Variants in MBTPS1 observed in about 807,000 individuals in gnomAD.
MBTPS1 encodes the protein membrane-bound transcription factor site-1 protease.
MBTPS1 carries 94 observed loss-of-function variants against 127.8 expected under a neutral mutation model. The observed-to-expected ratio is 0.74, with a 90% CI of 0.62 to 0.87. MBTPS1 has a LOEUF of 0.87. Among genes scored for constraint, MBTPS1 ranks in the 40% least tolerant of loss-of-function variants. The pLI, the probability that MBTPS1 is intolerant of heterozygous loss-of-function variation, is 0.00. For missense variants in MBTPS1, 1,636 were observed against 1,353.2 expected (o/e 1.21, Z -3.28); for synonymous variants, 632 against 509.4 (o/e 1.24, Z -3.24).
chr16:84,065,902 G>A (rs1167083180), intron 17 of MBTPS1, 135 bp from the exon 18 acceptor site: 4 of 528,912 alleles, frequency 7.6e-6, no homozygotes, highest in Non-Finnish European at 1.3e-5. Context: ...TGAGGGAGGA[G>A]CTGCTATTGC....
intron 1 of MBTPS1, among the ~76,000 whole-genome samples, chr16:84,112,857 C>G (rs921886697): frequency 3.3e-5 from 5 of 150,940 alleles, no homozygotes; most frequent in African/African-American, 1.2e-4. Flanking sequence ...CACCTGTAAT[C>G]CCAGCTACTC....
chr16:84,093,444 A>T, intron 5 of MBTPS1, 147 bp from the exon 6 acceptor site: 1 of 661,596 alleles, frequency 1.5e-6, no homozygotes. Context: ...ATCCCCTTAG[A>T]CGTCACTGGC....
chr16:84,080,882 G>A (rs760897954), intron 11 of MBTPS1, among the ~76,000 whole-genome samples: 26 of 152,310 alleles, frequency 1.7e-4, no homozygotes, highest in South Asian at 4.1e-4. Flanking sequence ...CTTGACGTCT[G>A]CTTCTTGGAG....
chr16:84,090,098 T>C (rs187224761), intron 8 of MBTPS1, among the ~76,000 whole-genome samples: 5 of 152,352 alleles, frequency 3.3e-5, no homozygotes, highest in Admixed American at 2.6e-4. Flanking sequence ...TTTTCTGATA[T>C]GCAAACATGA....
In MBTPS1 at chr16:84,093,259, T is replaced by G. The variant is rs773020028; in HGVS notation, c.775A>C (p.Ser259Arg). Reference sequence around the variant, plus strand: ...GCAAATCCTTGGCACTCCCTCATGCTGGCTATCACACCTGCCACGAATGTG... The same window carrying G: ...GCAAATCCTTGGCACTCCCTCATGCGGGCTATCACACCTGCCACGAATGTG... ...HGTFVAGVIA[S>R]MRECQGFAPD... Residue 259 changes from serine to arginine, a missense_variant, in exon 6 of 23, where the codon AGC (serine) becomes CGC (arginine). By Grantham distance (110) the Ser-to-Arg change is moderately radical. Coordinates refer to ENST00000343411, the MANE Select transcript of MBTPS1 (RefSeq NM_003791.4). 6.2e-7 allele frequency: 1 copy of G among 1,613,974 alleles called. No individual in the cohort carries two copies. Among genetic ancestry groups the G allele is most frequent in the East Asian group, 2.2e-5 (1 of 44,900 alleles).
At chr16:84,070,562 C>G in intron 13 of MBTPS1, 26 bp downstream of exon 13, 1 of 1,606,822 alleles carries the variant, frequency 6.2e-7, no homozygotes. Context: ...GCTAAGAAAA[C>G]AAGCCACTTT....
At position 84,099,307 on chromosome 16, in the gene MBTPS1, T is replaced by G. The variant is rs1237507444; in HGVS notation, c.167A>C (p.Tyr56Ser). 1 of 1,613,476 alleles carries G rather than the reference T, an allele frequency of 6.2e-7. No individual in the cohort carries two copies. The highest frequency in any genetic ancestry group is 8.5e-7 in the Non-Finnish European group (1 of 1,179,738). Residue 56 changes from tyrosine (Y) to serine (S), a missense_variant, in exon 3 of 23, where the codon TAT becomes TCT. Coordinates refer to ENST00000343411, the MANE Select transcript of MBTPS1 (RefSeq NM_003791.4). Reference protein sequence around the residue: ...EFSSTVVEYEYIVAFNGYFTA... With the variant: ...EFSSTVVEYESIVAFNGYFTA... ...AAAGTATCCATTGAAAGCCACAATA[T>G]ATTCTGAAACCAATCACCACAAACA...
chr16:84,060,829 G>T lies in MBTPS1; in HGVS notation c.2573-16C>A. On this transcript the variant is annotated splice_polypyrimidine_tract_variant and intron_variant, in intron 19 of 22. Coordinates refer to ENST00000343411, the MANE Select transcript of MBTPS1 (RefSeq NM_003791.4). ...CAAAAGCAGTCTGCGAAGTCAACAA[G>T]CCTGTTTAGGAATTCCTTTTTTTTT... 6.5e-7 allele frequency: 1 copy of T among 1,549,490 alleles called. No individual in the cohort carries two copies. The highest frequency in any genetic ancestry group is 8.7e-7 in the Non-Finnish European group (1 of 1,146,418).
At chr16:84,087,969 G>T (rs886493691) in intron 8 of MBTPS1, among the ~76,000 whole-genome samples, 21 of 152,140 alleles carry the variant, frequency 1.4e-4, no homozygotes, top group African/African-American at 5.1e-4. Context: ...CGATTGACCT[G>T]TGGTGGTGTT....
At position 84,054,388 on chromosome 16, in the gene MBTPS1, T is replaced by A. The variant is rs2085484415; in HGVS notation, c.*61A>T. ...AAACCAGCCGCCACCACAGCTCGGCTCACCCACCAGCGCCGTCCGTGAAGG... is the reference window on the plus strand; with the variant it reads ...AAACCAGCCGCCACCACAGCTCGGCACACCCACCAGCGCCGTCCGTGAAGG... On this transcript the variant is annotated 3_prime_UTR_variant, in exon 23 of 23. Coordinates refer to ENST00000343411, the MANE Select transcript of MBTPS1 (RefSeq NM_003791.4). 6.9e-7 allele frequency: 1 copy of A among 1,448,994 alleles called. No homozygotes were observed. Among genetic ancestry groups the A allele is most frequent in the Admixed American group, 2.3e-5 (1 of 43,256 alleles). The allele number at this position is 1,448,994 out of a possible 1,614,324, so 89.8% of individuals were successfully genotyped here.
In MBTPS1 at chr16:84,089,436, G is replaced by C. The variant is rs561748323; in HGVS notation, c.1031+1439C>G. On this transcript the variant is annotated intron_variant, in intron 8 of 22. Coordinates refer to ENST00000343411, the MANE Select transcript of MBTPS1 (RefSeq NM_003791.4). ...ATACTGAAGACCTTGAAAAACAAAA[G>C]AAAAATGTGGATTTCATCTATTAGG... Among the ~76,000 whole-genome samples, 103 of 152,306 alleles carry C rather than the reference G, an allele frequency of 6.8e-4. 1 individual carries two copies. The highest frequency in any genetic ancestry group is 1.2e-3 in the Non-Finnish European group (82 of 68,022).
chr16:84,075,765 C>T (rs577849669), intron 11 of MBTPS1: 1 of 152,360 alleles, frequency 6.6e-6, no homozygotes, highest in Admixed American at 6.5e-5. Context: ...GATACTGTGA[C>T]TTTCACAGGC....
At chr16:84,060,845 C>T (rs1413167256) in intron 19 of MBTPS1, 32 bp from the exon 20 acceptor site, 6 of 1,189,766 alleles carry the variant, frequency 5.0e-6, no homozygotes, top group Admixed American at 2.4e-5. Flanking sequence ...TTAGGAATTC[C>T]TTTTTTTTTT....
At chr16:84,067,333 A>G (rs1473080140) in intron 16 of MBTPS1, among the ~76,000 whole-genome samples, 1 of 152,122 alleles carries the variant, frequency 6.6e-6, no homozygotes, top group Non-Finnish European at 1.5e-5. Flanking sequence ...TCTACTGTAT[A>G]AAGGACTATT....
intron 1 of MBTPS1, among the ~76,000 whole-genome samples, chr16:84,112,674 A>C (rs533201573): frequency 3.3e-5 from 5 of 150,378 alleles, no homozygotes; most frequent in Admixed American, 6.6e-5. Context: ...AAAAAACAAA[A>C]AAAAACAAAA....
chr16:84,111,736 T>C (rs966866783), intron 1 of MBTPS1, among the ~76,000 whole-genome samples: 2 of 152,164 alleles, frequency 1.3e-5, no homozygotes, highest in Non-Finnish European at 2.9e-5. Flanking sequence ...GGACTTCTGA[T>C]ATCCAGAACT....
intron 1 of MBTPS1, among the ~76,000 whole-genome samples, chr16:84,106,155 C>T (rs772964221): frequency 5.9e-5 from 9 of 151,966 alleles, no homozygotes; most frequent in Admixed American, 4.6e-4. Context: ...ATTAGTCGTG[C>T]GTGGCGACAG....
In MBTPS1 at chr16:84,093,673, G is replaced by C. The variant is rs1173912290; in HGVS notation, c.736+38C>G. The stretch of plus-strand genomic sequence containing the variant: ...TCATGCACTAAACACACTCTCAGTC[G>C]ATCACATGACCACGTTCTCACTGCT... On this transcript the variant is annotated intron_variant, in intron 5 of 22. Transcript: ENST00000343411. The C allele has an allele frequency of 3.0e-6, 4 of 1,352,188 alleles. No homozygotes were observed. In the East Asian group the frequency reaches 9.2e-5, roughly 31 times the overall value. 83.8% of individuals were successfully genotyped at this position (1,352,188 alleles called of 1,614,324 possible). A position where few individuals can be genotyped will look rare whatever the true frequency, so the allele number is the denominator to read the frequency against.
intron 10 of MBTPS1, among the ~76,000 whole-genome samples, chr16:84,083,251 T>C (rs113715562): frequency 6.6e-6 from 1 of 152,156 alleles, no homozygotes; most frequent in African/African-American, 2.4e-5. Flanking sequence ...ACAGGCCAGG[T>C]AGCCCACTAT....
Sources: gnomAD v4.1 joint callset for allele counts (sites outside exome capture counted in the v4.1 genomes callset) on GRCh38, gnomAD v4.1.1 for gene constraint, MANE v1.5 for transcripts, NCBI Gene and HGNC (gene_info 2026-07-23, HGNC 2026-07-21) for gene names.